The following NMNAT3 variants were observed in gnomAD, a reference collection of about 807,000 sequenced individuals.
The protein encoded by NMNAT3 is nicotinamide nucleotide adenylyltransferase 3.
A neutral mutation model predicts 24.8 loss-of-function variants in NMNAT3; 21 were observed. The observed-to-expected ratio is 0.85, with a 90% CI of 0.60 to 1.22. The LOEUF is 1.22. Among genes scored for constraint, NMNAT3 ranks in the 50% most tolerant of loss-of-function variants. The pLI, the probability that NMNAT3 is intolerant of heterozygous loss-of-function variation, is 0.00. For synonymous variants in NMNAT3, 136 were observed against 155.2 expected (o/e 0.88, Z 0.92); for missense variants, 387 against 436.6 (o/e 0.89, Z 1.01).
chr3:139,592,777 T>G (rs1446163963), intron 3 of NMNAT3, among the ~76,000 whole-genome samples: 5 of 151,658 alleles, frequency 3.3e-5, no homozygotes, highest in African/African-American at 1.2e-4. Flanking sequence ...GCTGAGAGAT[T>G]TTGTCACTAC....
chr3:139,569,836 T>C, intron 6 of NMNAT3: 1 of 152,240 alleles, frequency 6.6e-6, no homozygotes. Flanking sequence ...GTTGCTCTTC[T>C]CGAGAAGTAT....
intron 1 of NMNAT3, among the ~76,000 whole-genome samples, chr3:139,641,738 C>G (rs1329810956): frequency 6.6e-6 from 1 of 152,202 alleles, no homozygotes; most frequent in Non-Finnish European, 1.5e-5. Flanking sequence ...TGTAGGCTGA[C>G]ATGAAATGAT....
chr3:139,660,981 A>G (rs1205590721), intron 1 of NMNAT3, among the ~76,000 whole-genome samples: 1 of 152,240 alleles, frequency 6.6e-6, no homozygotes, highest in East Asian at 1.9e-4. Context: ...ACCATGAGAT[A>G]TTTCACAAAA....
At chr3:139,586,457 G>A (rs984210305) in intron 3 of NMNAT3, among the ~76,000 whole-genome samples, 1 of 152,196 alleles carries the variant, frequency 6.6e-6, no homozygotes, top group Non-Finnish European at 1.5e-5. Flanking sequence ...TCCTAAGAGT[G>A]TAGGCTGCCC....
At chr3:139,596,152 A>G (rs1189309340) in intron 3 of NMNAT3, among the ~76,000 whole-genome samples, 2 of 152,156 alleles carry the variant, frequency 1.3e-5, no homozygotes, top group Non-Finnish European at 2.9e-5. Flanking sequence ...AGCCTTTTCC[A>G]GAAAGGTCTA....
At chr3:139,637,400 A>G (rs575510610) in intron 2 of NMNAT3, 1 of 152,350 alleles carries the variant, frequency 6.6e-6, no homozygotes, top group African/African-American at 2.4e-5. Flanking sequence ...AAATTGCCAC[A>G]TGTCACCTCT....
intron 6 of NMNAT3, among the ~76,000 whole-genome samples, chr3:139,561,649 T>G (rs1936410471): frequency 6.6e-6 from 1 of 152,198 alleles, no homozygotes. Context: ...TTTTTTCTTT[T>G]CAGTGTTCTA....
chr3:139,614,347 C>G (rs969141839), intron 3 of NMNAT3, among the ~76,000 whole-genome samples: 4 of 152,136 alleles, frequency 2.6e-5, no homozygotes, highest in African/African-American at 9.7e-5. Flanking sequence ...CTACTTTCTG[C>G]TAGTCTACCA....
intron 2 of NMNAT3, among the ~76,000 whole-genome samples, chr3:139,631,392 A>T (rs2056290564): frequency 6.6e-6 from 1 of 152,116 alleles, no homozygotes; most frequent in Admixed American, 6.5e-5. Context: ...TGCAAATCTC[A>T]TCAGACACAA....
intron 2 of NMNAT3, among the ~76,000 whole-genome samples, chr3:139,629,479 A>G (rs960124553): frequency 3.9e-5 from 6 of 152,208 alleles, no homozygotes; most frequent in African/African-American, 1.2e-4. Flanking sequence ...GTGTTATCTT[A>G]AGCTGCTACA....
At chr3:139,644,975 G>A (rs1481895117) in intron 1 of NMNAT3, among the ~76,000 whole-genome samples, 1 of 152,108 alleles carries the variant, frequency 6.6e-6, no homozygotes. Context: ...AGGCCGAGGT[G>A]GATGGATCAT....
chr3:139,651,581 T>TGA (rs1425960414), intron 1 of NMNAT3, among the ~76,000 whole-genome samples: 3 of 152,150 alleles, frequency 2.0e-5, no homozygotes. Context: ...TCAGACATGA[T>TGA]GAGATTCCAG....
intron 2 of NMNAT3, chr3:139,637,524 G>C (rs765607461): frequency 3.3e-5 from 5 of 152,164 alleles, no homozygotes; most frequent in Admixed American, 6.5e-5. Flanking sequence ...TGATTTAATT[G>C]GTCAGTCTCA....
chr3:139,600,856 A>G (rs1381004355), intron 3 of NMNAT3, among the ~76,000 whole-genome samples: 1 of 151,730 alleles, frequency 6.6e-6, no homozygotes, highest in East Asian at 1.9e-4. Flanking sequence ...GAGCATTAGA[A>G]TCTCCTTTTT....
chr3:139,596,375 T>G (rs971976697), intron 3 of NMNAT3, among the ~76,000 whole-genome samples: 8 of 152,206 alleles, frequency 5.3e-5, no homozygotes, highest in African/African-American at 1.7e-4. Context: ...TTAGGTTTTA[T>G]GTTTAGTATT....
chr3:139,669,476 CAGAAAAAA>C (rs2057690021), intron 1 of NMNAT3, among the ~76,000 whole-genome samples: 1 of 34,466 alleles, frequency 2.9e-5, no homozygotes, highest in African/African-American at 1.1e-4. Flanking sequence ...GACCCTGTCT[CAGAAAAAA>C]AAAAAAAAAA....
At chr3:139,659,733 G>T (rs2057355835) in intron 1 of NMNAT3, among the ~76,000 whole-genome samples, 1 of 152,194 alleles carries the variant, frequency 6.6e-6, no homozygotes. Flanking sequence ...AATCCTCCTG[G>T]CCTGGGCCCC....
chr3:139,625,458 C>T (rs111719001), intron 3 of NMNAT3, among the ~76,000 whole-genome samples: 1 of 151,950 alleles, frequency 6.6e-6, no homozygotes, highest in East Asian at 1.9e-4. Context: ...ATTTTACTTC[C>T]TCTGTATGCT....
chr3:139,605,469 G>A (rs1394377641), intron 3 of NMNAT3, among the ~76,000 whole-genome samples: 2 of 152,122 alleles, frequency 1.3e-5, no homozygotes, highest in Non-Finnish European at 2.9e-5. Context: ...CTGGGAGCAG[G>A]GGAGTTCTGG....
Sources: gnomAD v4.1 joint callset for allele counts (sites outside exome capture counted in the v4.1 genomes callset) on GRCh38, gnomAD v4.1.1 for gene constraint, MANE v1.5 for transcripts, NCBI Gene and HGNC (gene_info 2026-07-23, HGNC 2026-07-21) for gene names.